The following ELAVL2 variants were observed in gnomAD, a reference collection of about 807,000 sequenced individuals.
ELAVL2 encodes the protein ELAV like RNA binding protein 2, also known as ELAV-like protein 2.
In ELAVL2, 4 loss-of-function variants were observed where a neutral mutation model predicts 34.6. The ratio of observed to expected loss-of-function variants is 0.12; its 90% CI spans 0.06 to 0.26. The LOEUF is 0.26. Ranked by LOEUF, ELAVL2 falls within the 10% of genes least tolerant of loss-of-function variation. The pLI is 1.00. For synonymous variants in ELAVL2, 193 were observed against 154.8 expected (o/e 1.25, Z -1.83); for missense variants, 432 against 442.8 (o/e 0.98, Z 0.22).
At chr9:23,828,772 T>C (rs2065408897), upstream of ELAVL2, among the ~76,000 whole-genome samples, 1 of 152,194 alleles carries the variant, frequency 6.6e-6, no homozygotes, top group African/African-American at 2.4e-5. Context: ...TTAAAACAGA[T>C]GTTTTTACAT....
At chr9:23,703,174 A>G (rs1228888034) in intron 4 of ELAVL2, among the ~76,000 whole-genome samples, 2 of 152,188 alleles carry the variant, frequency 1.3e-5, no homozygotes, top group Non-Finnish European at 2.9e-5. Context: ...CCGCTGACTA[A>G]AACAAGCTAG....
intron 1 of ELAVL2, among the ~76,000 whole-genome samples, chr9:23,819,163 A>G (rs910316584): frequency 5.9e-5 from 9 of 152,206 alleles, no homozygotes; most frequent in African/African-American, 1.9e-4. Flanking sequence ...TTCAGCTAGC[A>G]GCATCTGTCT....
rs1352167252 is a variant in ELAVL2 at position 23,701,359 on chromosome 9, A to G, written c.713+20T>C. On this transcript the variant is annotated intron_variant, in intron 5 of 6. Transcript: ENST00000397312. ...CTCTTTCAGTTTAGTAGCTGGGCAC[A>G]AGAACCAAACCAGACTTACCTAAAA... 1 of 1,613,182 alleles carries G rather than the reference A, an allele frequency of 6.2e-7. No individual in the cohort carries two copies. Among genetic ancestry groups the G allele is most frequent in the Non-Finnish European group, 8.5e-7 (1 of 1,179,196 alleles).
the ELAVL2 span, chr9:23,831,669 A>G: frequency 6.6e-6 from 1 of 152,268 alleles, no homozygotes; most frequent in African/African-American, 2.4e-5. Flanking sequence ...ATCCTGCTCC[A>G]TTCTATCTGG....
chr9:23,727,454 C>T (rs1023518020), intron 3 of ELAVL2, among the ~76,000 whole-genome samples: 37 of 151,998 alleles, frequency 2.4e-4, no homozygotes, highest in Non-Finnish European at 4.4e-5. Context: ...ACAGAATGAA[C>T]CACAGGAGGA....
chr9:23,708,015 G>T (rs1435144702), intron 3 of ELAVL2, among the ~76,000 whole-genome samples: 1 of 151,746 alleles, frequency 6.6e-6, no homozygotes, highest in Non-Finnish European at 1.5e-5. Flanking sequence ...TTATATAAAG[G>T]CTTTGAAAAC....
intron 3 of ELAVL2, among the ~76,000 whole-genome samples, chr9:23,709,262 C>T (rs1393136967): frequency 2.6e-5 from 4 of 152,086 alleles, no homozygotes; most frequent in Admixed American, 2.0e-4. Flanking sequence ...TCCTGGAAAA[C>T]ATTTCTTCTT....
At chr9:23,818,727 G>A (rs1393171993) in intron 1 of ELAVL2, among the ~76,000 whole-genome samples, 1 of 152,182 alleles carries the variant, frequency 6.6e-6, no homozygotes, top group Non-Finnish European at 1.5e-5. Flanking sequence ...AGAATGTGAC[G>A]ATGTGATAGA....
At chr9:23,792,873 C>CT (rs2060487401) in intron 1 of ELAVL2, among the ~76,000 whole-genome samples, 1 of 152,116 alleles carries the variant, frequency 6.6e-6, no homozygotes, top group Non-Finnish European at 1.5e-5. Flanking sequence ...TAGAATCATG[C>CT]TATCCTCCCC....
At chr9:23,798,096 A>G (rs2061172409) in intron 1 of ELAVL2, among the ~76,000 whole-genome samples, 1 of 152,334 alleles carries the variant, frequency 6.6e-6, no homozygotes, top group Middle Eastern at 3.4e-3. Context: ...TCTGTAAGCA[A>G]TAGGGAGCCA....
intron 2 of ELAVL2, among the ~76,000 whole-genome samples, chr9:23,738,854 T>C (rs1174226806): frequency 2.6e-5 from 4 of 152,184 alleles, no homozygotes; most frequent in Non-Finnish European, 5.9e-5. Context: ...TTAATTTTAA[T>C]AGCCATATCT....
At chr9:23,834,353 T>A in the ELAVL2 span, among the ~76,000 whole-genome samples, 1 of 151,976 alleles carries the variant, frequency 6.6e-6, no homozygotes, top group African/African-American at 2.4e-5. Context: ...TTTTGCAAAT[T>A]GTTAATGGCT....
chr9:23,711,772 T>G (rs568367403), intron 3 of ELAVL2, among the ~76,000 whole-genome samples: 1 of 152,168 alleles, frequency 6.6e-6, no homozygotes, highest in South Asian at 2.1e-4. Flanking sequence ...ACTTAACCCC[T>G]TGAAATAAGA....
intron 1 of ELAVL2, among the ~76,000 whole-genome samples, chr9:23,775,955 C>T (rs1195980792): frequency 6.6e-6 from 1 of 152,208 alleles, no homozygotes; most frequent in Non-Finnish European, 1.5e-5. Context: ...CCTGACTCAC[C>T]TTTATCTCCC....
chr9:23,717,330 T>C (rs1180043032), intron 3 of ELAVL2, among the ~76,000 whole-genome samples: 3 of 152,186 alleles, frequency 2.0e-5, no homozygotes, highest in Admixed American at 6.5e-5. Context: ...AAGGCAAATA[T>C]GTTTCTACGA....
intron 5 of ELAVL2, among the ~76,000 whole-genome samples, chr9:23,700,567 G>T (rs1041645420): frequency 2.6e-5 from 4 of 152,180 alleles, no homozygotes; most frequent in Admixed American, 2.6e-4. Context: ...AATGGAGACT[G>T]CCTCCCACCT....
intron 1 of ELAVL2, among the ~76,000 whole-genome samples, chr9:23,793,575 T>TC (rs1477811779): frequency 1.3e-5 from 2 of 152,042 alleles, no homozygotes; most frequent in East Asian, 1.9e-4. Flanking sequence ...AACGATCCCC[T>TC]CCCCTATCAT....
chr9:23,703,958 T>G (rs993094189), intron 4 of ELAVL2, among the ~76,000 whole-genome samples: 7 of 152,060 alleles, frequency 4.6e-5, no homozygotes, highest in African/African-American at 1.7e-4. Flanking sequence ...GGAGTTTTGC[T>G]CTTGTTGCCC....
intron 1 of ELAVL2, among the ~76,000 whole-genome samples, chr9:23,768,930 A>G (rs1048256349): frequency 6.6e-6 from 1 of 152,226 alleles, no homozygotes; most frequent in Non-Finnish European, 1.5e-5. Flanking sequence ...AACAGAAACG[A>G]TAACATCTCT....
Sources: gnomAD v4.1 joint callset for allele counts (sites outside exome capture counted in the v4.1 genomes callset) on GRCh38, gnomAD v4.1.1 for gene constraint, MANE v1.5 for transcripts, NCBI Gene and HGNC (gene_info 2026-07-23, HGNC 2026-07-21) for gene names.